The following CACNA2D3 variants were observed in gnomAD, a reference collection of about 807,000 sequenced individuals.
CACNA2D3 encodes voltage-dependent calcium channel subunit alpha-2/delta-3.
Under a neutral mutation model 160.6 loss-of-function variants are expected in CACNA2D3, and 60 were observed. The observed-to-expected ratio is 0.37, with a 90% CI of 0.30 to 0.46. CACNA2D3 has a LOEUF of 0.46. CACNA2D3 is among the 20% of genes least tolerant of loss of function. The probability of loss-of-function intolerance (pLI) is 1.00; values close to 1 mark genes in which losing one functional copy is unlikely to be tolerated. For missense variants in CACNA2D3, 1,205 were observed against 1,365.0 expected, an observed-to-expected ratio of 0.88 and a Z score of 1.85; for synonymous variants, 558 against 492.9, an observed-to-expected ratio of 1.13 and a Z score of -1.75.
At chr3:54,731,995 T>C (rs1701398747) in intron 11 of CACNA2D3, among the ~76,000 whole-genome samples, 1 of 152,250 alleles carries the variant, frequency 6.6e-6, no homozygotes, top group African/African-American at 2.4e-5. Context: ...TTTATGCCTG[T>C]GCTTCCTTAA....
intron 13 of CACNA2D3, among the ~76,000 whole-genome samples, chr3:54,770,474 A>G (rs1304368229): frequency 2.0e-5 from 3 of 152,262 alleles, no homozygotes; most frequent in Non-Finnish European, 2.9e-5. Flanking sequence ...AAAATCAGTC[A>G]GATTTGCTTC....
chr3:54,560,925 A>G (rs1043731228), intron 5 of CACNA2D3, among the ~76,000 whole-genome samples: 7 of 152,062 alleles, frequency 4.6e-5, no homozygotes, highest in Admixed American at 3.9e-4. Flanking sequence ...ATTTGGTTCC[A>G]TTGGTCTATG....
intron 2 of CACNA2D3, among the ~76,000 whole-genome samples, chr3:54,232,043 C>T (rs2107393909): frequency 6.6e-6 from 1 of 152,368 alleles, no homozygotes; most frequent in South Asian, 2.1e-4. Context: ...ACAGGAATGA[C>T]CTCCTCTGTG....
At chr3:54,949,133 C>T (rs1406894942) in intron 27 of CACNA2D3, among the ~76,000 whole-genome samples, 2 of 152,200 alleles carry the variant, frequency 1.3e-5, no homozygotes, top group South Asian at 2.1e-4. Context: ...GAAACCCCCT[C>T]TTTCCTAAAA....
At chr3:54,247,515 G>A (rs1702103832) in intron 2 of CACNA2D3, among the ~76,000 whole-genome samples, 3 of 152,130 alleles carry the variant, frequency 2.0e-5, no homozygotes, top group African/African-American at 4.8e-5. Context: ...GAACACAAGA[G>A]CAAATAAACA....
intron 35 of CACNA2D3, among the ~76,000 whole-genome samples, chr3:55,040,562 G>A (rs77528069): frequency 7.7e-4 from 117 of 151,700 alleles, no homozygotes; most frequent in Non-Finnish European, 1.4e-3. Context: ...GCACACACCT[G>A]TAGTCCCAGC....
chr3:54,405,686 G>A (rs866338911), intron 4 of CACNA2D3, among the ~76,000 whole-genome samples: 50 of 152,172 alleles, frequency 3.3e-4, no homozygotes, highest in African/African-American at 1.1e-3. Flanking sequence ...CACACCAAAA[G>A]CTCAGGCTAC....
chr3:54,429,055 G>A (rs760870457), intron 4 of CACNA2D3, among the ~76,000 whole-genome samples: 44 of 152,144 alleles, frequency 2.9e-4, no homozygotes, highest in Non-Finnish European at 5.3e-4. Context: ...AGGAAGATGC[G>A]ATGGTTTGGG....
At chr3:55,063,729 G>A (rs1425448990) in intron 35 of CACNA2D3, among the ~76,000 whole-genome samples, 3 of 152,134 alleles carry the variant, frequency 2.0e-5, no homozygotes, top group Non-Finnish European at 4.4e-5. Context: ...AGACCATCGG[G>A]TAGATGACAG....
chr3:55,038,256 T>C (rs1199108238), intron 35 of CACNA2D3, among the ~76,000 whole-genome samples: 2 of 152,192 alleles, frequency 1.3e-5, no homozygotes, highest in Non-Finnish European at 2.9e-5. Context: ...TATTTTCTCC[T>C]CCTTAGATTA....
At position 54,880,856 on chromosome 3, in the gene CACNA2D3, C is replaced by T. The variant is rs756521642; in HGVS notation, c.1905C>T (p.Ile635=). ...GKYFFRGNVT[I]EEGLHDLEHP... is the part of the protein sequence containing the mutation. ...ATTTCTTCCGAGGGAATGTAACCATCGAAGAAGGTAAGATACTGCCTGGCT... is the reference window on the plus strand; with the variant it reads ...ATTTCTTCCGAGGGAATGTAACCATTGAAGAAGGTAAGATACTGCCTGGCT... Residue 635 remains isoleucine, a synonymous_variant, in exon 21 of 38, where the codon ATC becomes ATT. Coordinates refer to ENST00000474759, the MANE Select transcript of CACNA2D3 (RefSeq NM_018398.3). 35 of 1,613,372 alleles carry T rather than the reference C, an allele frequency of 2.2e-5. No homozygotes were observed. The highest frequency in any genetic ancestry group is 1.6e-4 in the Middle Eastern group (1 of 6,082).
intron 4 of CACNA2D3, among the ~76,000 whole-genome samples, chr3:54,470,482 A>G (rs1390007095): frequency 6.6e-6 from 1 of 152,208 alleles, no homozygotes; most frequent in African/African-American, 2.4e-5. Context: ...GGAAAAACAT[A>G]CCCAGTTGTA....
intron 21 of CACNA2D3, among the ~76,000 whole-genome samples, chr3:54,883,498 A>C (rs1408986467): frequency 6.6e-6 from 1 of 152,214 alleles, no homozygotes; most frequent in African/African-American, 2.4e-5. Flanking sequence ...AACCCAGAGA[A>C]GAAGCAGTCA....
chr3:54,539,303 A>G (rs758781321), intron 5 of CACNA2D3, among the ~76,000 whole-genome samples: 1 of 152,222 alleles, frequency 6.6e-6, no homozygotes, highest in Non-Finnish European at 1.5e-5. Context: ...AGTGCTGTAT[A>G]CATGACCAGT....
intron 2 of CACNA2D3, among the ~76,000 whole-genome samples, chr3:54,238,402 AC>A (rs1472239654): frequency 6.6e-6 from 1 of 152,254 alleles, no homozygotes; most frequent in African/African-American, 2.4e-5. Flanking sequence ...GTGCAAAAAA[AC>A]ATCCAATTTG....
In CACNA2D3 at chr3:54,752,673, C is replaced by T; in HGVS notation, c.1242C>T (p.Asn414=). 6.2e-7 allele frequency: 1 copy of T among 1,611,606 alleles called. No homozygotes were observed. Among genetic ancestry groups the T allele is most frequent in the Non-Finnish European group, 8.5e-7 (1 of 1,178,596 alleles). Residue 414 remains asparagine, a synonymous_variant, in exon 12 of 38, where the codon AAC becomes AAT. Coordinates refer to ENST00000474759, the MANE Select transcript of CACNA2D3 (RefSeq NM_018398.3). ...ADNLKWMACA[N]KGFFTQISTL... The stretch of plus-strand genomic sequence containing the variant: ...ATCTAAAGTGGATGGCCTGTGCCAA[C>T]AAAGGTGGGTCTTCGCATTGTGCTC...
At chr3:54,166,675 T>C (rs1040539617) in intron 2 of CACNA2D3, among the ~76,000 whole-genome samples, 1 of 152,212 alleles carries the variant, frequency 6.6e-6, no homozygotes, top group African/African-American at 2.4e-5. Context: ...ATTGCCTGTG[T>C]GGTGCTTCAT....
intron 2 of CACNA2D3, among the ~76,000 whole-genome samples, chr3:54,145,005 G>C (rs1163201513): frequency 6.6e-6 from 1 of 152,182 alleles, no homozygotes; most frequent in Non-Finnish European, 1.5e-5. Context: ...AGAGGTCTCA[G>C]GGTGTCAAGC....
At chr3:54,726,556 C>G (rs542854051) in intron 11 of CACNA2D3, among the ~76,000 whole-genome samples, 39 of 152,230 alleles carry the variant, frequency 2.6e-4, no homozygotes, top group African/African-American at 9.4e-4. Context: ...GTACTGGTAC[C>G]AAAACAGAGA....
Sources: gnomAD v4.1 joint callset for allele counts (sites outside exome capture counted in the v4.1 genomes callset) on GRCh38, gnomAD v4.1.1 for gene constraint, MANE v1.5 for transcripts, NCBI Gene and HGNC (gene_info 2026-07-23, HGNC 2026-07-21) for gene names.